The following FHIT variants were observed in gnomAD, a reference collection of about 807,000 sequenced individuals.
The protein encoded by FHIT is fragile histidine triad diadenosine triphosphatase, also known as bis(5'-adenosyl)-triphosphatase.
A neutral mutation model predicts 17.9 loss-of-function variants in FHIT; 19 were observed. That is an observed-to-expected ratio of 1.06 (90% confidence interval 0.74 to 1.56). FHIT has a LOEUF of 1.56. Among genes scored for constraint, FHIT ranks in the 40% most tolerant of loss-of-function variants. The pLI is 0.00. For missense variants in FHIT, 248 were observed against 189.2 expected (o/e 1.31, Z -1.82); for synonymous variants, 81 against 69.7 (o/e 1.16, Z -0.81).
At chr3:60,461,401 T>A (rs1270263794) in intron 5 of FHIT, among the ~76,000 whole-genome samples, 1 of 152,038 alleles carries the variant, frequency 6.6e-6, no homozygotes, top group African/African-American at 2.4e-5. Context: ...CTAGAGACAT[T>A]CCCATACTAA....
At chr3:59,901,741 C>G (rs1704339151) in intron 8 of FHIT, among the ~76,000 whole-genome samples, 1 of 152,158 alleles carries the variant, frequency 6.6e-6, no homozygotes, top group Admixed American at 6.5e-5. Flanking sequence ...AAAAATTAAA[C>G]ATAGGGTTAC....
chr3:60,484,583 T>G (rs775998453), intron 5 of FHIT, among the ~76,000 whole-genome samples: 46 of 152,184 alleles, frequency 3.0e-4, no homozygotes, highest in Non-Finnish European at 6.0e-4. Context: ...GATTTCTTAT[T>G]CAATAAATGG....
At chr3:59,849,601 C>T (rs532755838) in intron 8 of FHIT, among the ~76,000 whole-genome samples, 3 of 152,204 alleles carry the variant, frequency 2.0e-5, no homozygotes, top group South Asian at 2.1e-4. Flanking sequence ...GCTAGGAATT[C>T]GTTTCCTAAA....
intron 3 of FHIT, among the ~76,000 whole-genome samples, chr3:61,026,758 G>A (rs780643412): frequency 1.2e-4 from 19 of 152,074 alleles, no homozygotes; most frequent in African/African-American, 2.2e-4. Context: ...ATTGGACGCC[G>A]CTGCTAAAGC....
intron 2 of FHIT, among the ~76,000 whole-genome samples, chr3:61,128,233 T>C (rs953889978): frequency 6.6e-6 from 1 of 152,088 alleles, no homozygotes. Flanking sequence ...TTGTTAAATA[T>C]AAGATTCACA....
chr3:59,994,005 T>C (rs1312843709), intron 7 of FHIT, among the ~76,000 whole-genome samples: 1 of 152,012 alleles, frequency 6.6e-6, no homozygotes, highest in Non-Finnish European at 1.5e-5. Context: ...CTCTTACTAT[T>C]CTCATAACTA....
At chr3:60,504,203 A>C (rs2034634175) in intron 5 of FHIT, among the ~76,000 whole-genome samples, 1 of 152,282 alleles carries the variant, frequency 6.6e-6, no homozygotes, top group African/African-American at 2.4e-5. Flanking sequence ...TGGGCGGCCG[A>C]GGCGGGCAGA....
At chr3:60,648,330 A>G (rs1165356408) in intron 4 of FHIT, among the ~76,000 whole-genome samples, 1 of 152,206 alleles carries the variant, frequency 6.6e-6, no homozygotes, top group African/African-American at 2.4e-5. Flanking sequence ...TTACCTGTGT[A>G]AGGGAATCAT....
chr3:60,531,999 C>T (rs1007107610), intron 5 of FHIT, among the ~76,000 whole-genome samples: 1 of 152,184 alleles, frequency 6.6e-6, no homozygotes, highest in South Asian at 2.1e-4. Context: ...CTAATTCTCT[C>T]ACAAATATAC....
At chr3:60,261,662 C>T (rs1438419183) in intron 5 of FHIT, among the ~76,000 whole-genome samples, 3 of 151,994 alleles carry the variant, frequency 2.0e-5, no homozygotes, top group Non-Finnish European at 4.4e-5. Flanking sequence ...ACTTTGTAAA[C>T]GTGCCTTCCT....
At chr3:60,948,483 C>G (rs1708733440) in intron 3 of FHIT, among the ~76,000 whole-genome samples, 1 of 152,160 alleles carries the variant, frequency 6.6e-6, no homozygotes, top group African/African-American at 2.4e-5. Context: ...CTAAAAATAT[C>G]CTGGTGCTAG....
chr3:60,418,658 A>C (rs999301106), intron 5 of FHIT, among the ~76,000 whole-genome samples: 1 of 150,552 alleles, frequency 6.6e-6, no homozygotes, highest in Non-Finnish European at 1.5e-5. Context: ...TAATGAGAAA[A>C]AAGTAAATCC....
intron 5 of FHIT, among the ~76,000 whole-genome samples, chr3:60,441,726 GTATTTA>G (rs2030832655): frequency 1.1e-4 from 7 of 63,068 alleles, no homozygotes; most frequent in African/African-American, 4.3e-4. Flanking sequence ...ATATATATTT[GTATTTA>G]TATATATATA....
intron 5 of FHIT, among the ~76,000 whole-genome samples, chr3:60,279,644 G>C (rs549277621): frequency 1.1e-4 from 17 of 152,170 alleles, no homozygotes; most frequent in African/African-American, 3.1e-4. Context: ...AATATCGCTC[G>C]TGAACATGAT....
intron 4 of FHIT, among the ~76,000 whole-genome samples, chr3:60,763,327 A>T (rs1699726809): frequency 6.6e-6 from 1 of 152,230 alleles, no homozygotes; most frequent in African/African-American, 2.4e-5. Flanking sequence ...AAATCTGACC[A>T]TAAAAAGTCA....
chr3:60,872,015 C>A (rs1553755134), intron 3 of FHIT, among the ~76,000 whole-genome samples: 1 of 151,940 alleles, frequency 6.6e-6, no homozygotes, highest in African/African-American at 2.4e-5. Flanking sequence ...TGGAGTTCAA[C>A]TGATAAAAAG....
intron 5 of FHIT, among the ~76,000 whole-genome samples, chr3:60,528,937 C>T (rs1047094701): frequency 2.6e-5 from 4 of 152,182 alleles, no homozygotes; most frequent in South Asian, 2.1e-4. Flanking sequence ...AATTGTTACA[C>T]ATAAACATAA....
chr3:60,004,035 A>G (rs144046471), intron 7 of FHIT, among the ~76,000 whole-genome samples: 3 of 152,198 alleles, frequency 2.0e-5, no homozygotes, highest in East Asian at 1.9e-4. Flanking sequence ...TGCTCCTTCA[A>G]TGATTAGTTA....
At chr3:60,289,094 G>A (rs565366615) in intron 5 of FHIT, among the ~76,000 whole-genome samples, 19 of 152,156 alleles carry the variant, frequency 1.2e-4, no homozygotes, top group South Asian at 1.0e-3. Context: ...GGGGTTCACC[G>A]GACCCTGGAC....
Sources: gnomAD v4.1 joint callset for allele counts (sites outside exome capture counted in the v4.1 genomes callset) on GRCh38, gnomAD v4.1.1 for gene constraint, MANE v1.5 for transcripts, NCBI Gene and HGNC (gene_info 2026-07-23, HGNC 2026-07-21) for gene names.